The following DOCK1 variants were observed in gnomAD, a reference collection of about 807,000 sequenced individuals.
The protein encoded by DOCK1 is dedicator of cytokinesis protein 1.
DOCK1 carries 138 observed loss-of-function variants against 262.7 expected under a neutral mutation model. That is an observed-to-expected ratio of 0.53 (90% CI 0.46 to 0.61). The LOEUF (loss-of-function observed/expected upper bound fraction) is 0.61. DOCK1 is among the 20% of genes least tolerant of loss of function. DOCK1 has a pLI of 0.00. For synonymous variants in DOCK1, 866 were observed against 867.4 expected (o/e 1.00, Z 0.03); for missense variants, 1,908 against 2,370.7 (o/e 0.80, Z 4.05).
At chr10:127,305,481 G>A (rs539082147) in intron 29 of DOCK1, among the ~76,000 whole-genome samples, 64 of 152,214 alleles carry the variant, frequency 4.2e-4, no homozygotes, top group African/African-American at 1.5e-3. Flanking sequence ...ACACATTGCT[G>A]GACCTTAAGG....
intron 22 of DOCK1, among the ~76,000 whole-genome samples, chr10:127,055,695 G>A (rs1456762243): frequency 6.6e-6 from 1 of 152,202 alleles, no homozygotes; most frequent in Non-Finnish European, 1.5e-5. Context: ...GTTTTGCAGA[G>A]CCTTTCTTCT....
chr10:127,341,997 T>C lies in DOCK1; in HGVS notation c.3124-1649T>C, dbSNP rs118025609. On this transcript the variant is annotated intron_variant, in intron 30 of 51. Coordinates refer to ENST00000623213, the MANE Select transcript of DOCK1 (RefSeq NM_001290223.2). ...GCTCAAAGGCAGCCCTGGTCCTATG[T>C]AGGAAAAGAAAGAATTAGGAGTTGG... Among the ~76,000 whole-genome samples the C allele has an allele frequency of 5.3e-5, 8 of 152,262 alleles. No homozygotes were observed. In the East Asian group the frequency reaches 5.8e-4, roughly 11 times the overall value.
At chr10:127,329,620 C>T (rs886292386) in intron 29 of DOCK1, among the ~76,000 whole-genome samples, 7 of 152,068 alleles carry the variant, frequency 4.6e-5, no homozygotes, top group Admixed American at 2.0e-4. Flanking sequence ...GCTTTGCCCT[C>T]TCTCGCGGCC....
At chr10:127,203,064 C>A (rs1284144876) in intron 27 of DOCK1, among the ~76,000 whole-genome samples, 1 of 152,190 alleles carries the variant, frequency 6.6e-6, no homozygotes, top group East Asian at 1.9e-4. Flanking sequence ...CAGCAATATA[C>A]TCAAATCATT....
intron 10 of DOCK1, 123 bp downstream of exon 10, chr10:127,000,430 G>A: frequency 7.4e-7 from 1 of 1,354,062 alleles, no homozygotes; most frequent in Non-Finnish European, 9.8e-7. Flanking sequence ...CTGCTGGAGA[G>A]AAAAAATATA....
In DOCK1 at chr10:127,374,084, A is replaced by G. The variant is rs769154273; in HGVS notation, c.3545A>G (p.Lys1182Arg). 79 of 1,612,898 alleles carry G rather than the reference A, an allele frequency of 4.9e-5. No individual in the cohort carries two copies. The highest frequency in any genetic ancestry group is 5.9e-5 in the Non-Finnish European group (70 of 1,179,440). The change falls in exon 35 of 52, where the codon AAA (lysine) becomes AGA (arginine). Residue 1182 changes from lysine to arginine, a missense_variant. By Grantham distance (26) the Lys-to-Arg change is conservative. Around this residue, in one of 9 missense-constraint regions of DOCK1, gnomAD observed 518 missense variants for 575.1 expected, o/e 0.90. Coordinates refer to ENST00000623213, the MANE Select transcript of DOCK1 (RefSeq NM_001290223.2). The part of the protein sequence containing the change: ...KILLEHCRKH[K>R]YLAKTGETFV... The stretch of plus-strand genomic sequence containing the variant: ...CTTCTGGAACACTGCAGGAAGCACA[A>G]ATACCTCGCCAAAACAGGAGAAACT...
At chr10:127,148,030 CAAAAAAAAAA>C (rs57503481) in intron 27 of DOCK1, among the ~76,000 whole-genome samples, 2 of 63,318 alleles carry the variant, frequency 3.2e-5, no homozygotes, top group South Asian at 1.1e-3. Context: ...GACTCTGTCT[CAAAAAAAAAA>C]AAAAAAAAAA....
intron 33 of DOCK1, among the ~76,000 whole-genome samples, chr10:127,366,912 T>A (rs926936830): frequency 2.6e-5 from 4 of 152,224 alleles, no homozygotes; most frequent in African/African-American, 7.2e-5. Flanking sequence ...TTAGGGGGAT[T>A]TGTTTTTACA....
At chr10:127,036,981 G>GAAAAAAAAAAA (rs11429952) in intron 18 of DOCK1, among the ~76,000 whole-genome samples, 9 of 128,036 alleles carry the variant, frequency 7.0e-5, no homozygotes, top group South Asian at 2.5e-4. Flanking sequence ...CCATCTCAAG[G>GAAAAAAAAAAA]AAAAAAAAAA....
intron 23 of DOCK1, among the ~76,000 whole-genome samples, chr10:127,073,218 T>A (rs1245316243): frequency 6.6e-6 from 1 of 152,230 alleles, no homozygotes; most frequent in Non-Finnish European, 1.5e-5. Context: ...ACATTAAGAA[T>A]TCAGTTCTTC....
chr10:127,106,669 G>A (rs547297954), intron 24 of DOCK1, among the ~76,000 whole-genome samples: 2 of 152,124 alleles, frequency 1.3e-5, no homozygotes, highest in African/African-American at 2.4e-5. Flanking sequence ...TTCCTGCGCC[G>A]GCTTCTGCTT....
rs544248108 is a variant in DOCK1, at chr10:127,451,528, A to T, written c.*101A>T. 1.6e-5 allele frequency: 25 copies of T among 1,531,602 alleles called. No homozygotes were observed. The South Asian group carries it at 2.8e-4, about 17-fold the overall frequency. The allele number at this position is 1,531,602 out of a possible 1,614,324, so 94.9% of individuals were successfully genotyped here. On this transcript the variant is annotated 3_prime_UTR_variant, in exon 52 of 52. Transcript: ENST00000623213. Reference sequence around the variant, plus strand: ...TGCTGTTTACCTCATTGGGCCTGTGATGTTAACATTTCGTGCGACTGCTTT... The same window carrying T: ...TGCTGTTTACCTCATTGGGCCTGTGTTGTTAACATTTCGTGCGACTGCTTT...
intron 29 of DOCK1, among the ~76,000 whole-genome samples, chr10:127,323,364 G>A (rs765591120): frequency 6.6e-6 from 1 of 152,136 alleles, no homozygotes; most frequent in Non-Finnish European, 1.5e-5. Context: ...TGTCCGGTGG[G>A]GACGTCTCTC....
At chr10:127,346,432 C>CA (rs1268360959) in intron 31 of DOCK1, among the ~76,000 whole-genome samples, 1 of 152,090 alleles carries the variant, frequency 6.6e-6, no homozygotes, top group African/African-American at 2.4e-5. Context: ...CCTTTCTCCA[C>CA]AAAAAATACA....
intron 47 of DOCK1, among the ~76,000 whole-genome samples, chr10:127,430,739 T>C (rs1169958075): frequency 6.6e-6 from 1 of 152,146 alleles, no homozygotes; most frequent in East Asian, 1.9e-4. Context: ...TGCCTGCTTC[T>C]TACCCTTCCT....
chr10:127,244,274 A>C (rs1312097672), intron 27 of DOCK1, among the ~76,000 whole-genome samples: 2 of 152,046 alleles, frequency 1.3e-5, no homozygotes, highest in East Asian at 3.9e-4. Context: ...CCTGTACTTT[A>C]TCTTGCAACC....
intron 29 of DOCK1, among the ~76,000 whole-genome samples, chr10:127,335,061 C>T (rs2063135341): frequency 6.6e-6 from 1 of 152,212 alleles, no homozygotes; most frequent in Non-Finnish European, 1.5e-5. Context: ...GCTCTTTCAT[C>T]CATTCATTCA....
chr10:127,253,850 G>C (rs1323013284), intron 28 of DOCK1, among the ~76,000 whole-genome samples: 4 of 137,340 alleles, frequency 2.9e-5, no homozygotes, highest in Admixed American at 1.6e-4. Context: ...ACTCCAGCCT[G>C]GGTGATAGCA....
chr10:127,419,352 G>A (rs913236213), intron 45 of DOCK1, among the ~76,000 whole-genome samples: 19 of 152,320 alleles, frequency 1.2e-4, no homozygotes, highest in African/African-American at 4.6e-4. Flanking sequence ...GGAGGCATGG[G>A]CGTGTGAGTA....
Sources: allele counts gnomAD v4.1 joint callset (sites outside exome capture counted in the v4.1 genomes callset), GRCh38; gene constraint gnomAD v4.1.1; regional missense constraint gnomAD v4.1.1; transcripts MANE v1.5; gene names NCBI Gene and HGNC (gene_info 2026-07-23, HGNC 2026-07-21).